CSMD1: variants seen among roughly 807,000 people sequenced by gnomAD.
CSMD1 encodes CUB and Sushi multiple domains 1.
CSMD1 carries 213 observed loss-of-function variants against 417.5 expected under a neutral mutation model. The observed-to-expected ratio is 0.51, with a 90% CI of 0.46 to 0.57. The LOEUF (loss-of-function observed/expected upper bound fraction) is 0.57, where lower values mean the gene tolerates loss of function less well. CSMD1 is among the 20% of genes least tolerant of loss of function. The pLI is 0.00. For synonymous variants in CSMD1, 2,862 were observed against 1,736.8 expected (o/e 1.65, Z -16.11); for missense variants, 6,923 against 4,529.7 (o/e 1.53, Z -15.17).
intron 1 of CSMD1, among the ~76,000 whole-genome samples, chr8:4,965,813 T>C (rs1809819903): frequency 6.6e-6 from 1 of 152,166 alleles, no homozygotes; most frequent in African/African-American, 2.4e-5. Context: ...CAGAGACATC[T>C]GGAACAAAAT....
intron 6 of CSMD1, among the ~76,000 whole-genome samples, chr8:3,721,764 G>C (rs1563309857): frequency 1.3e-5 from 2 of 152,128 alleles, no homozygotes; most frequent in South Asian, 2.1e-4. Context: ...CTTTACATGA[G>C]GATAATAGAA....
chr8:4,132,460 A>T lies in CSMD1; in HGVS notation c.416-100361T>A, dbSNP rs1356085394. Reference sequence around the variant, plus strand: ...ATTTAAAGGAACAAAATTCCATTTAACTTTTACTTTAACAGGAACATGGGT... The same window carrying T: ...ATTTAAAGGAACAAAATTCCATTTATCTTTTACTTTAACAGGAACATGGGT... On this transcript the variant is annotated intron_variant, in intron 3 of 69. Transcript: ENST00000635120. Among the ~76,000 whole-genome samples the T allele has an allele frequency of 1.3e-5, 2 of 152,146 alleles. 1 individual carries two copies. Among genetic ancestry groups the T allele is most frequent in the African/African-American group, 4.8e-5 (2 of 41,420 alleles).
chr8:4,898,955 A>T (rs754806538), intron 1 of CSMD1, among the ~76,000 whole-genome samples: 1 of 152,206 alleles, frequency 6.6e-6, no homozygotes, highest in Non-Finnish European at 1.5e-5. Flanking sequence ...TTACAGTTAT[A>T]AAATTATTTT....
intron 3 of CSMD1, among the ~76,000 whole-genome samples, chr8:4,110,112 G>A (rs1179682486): frequency 1.3e-5 from 2 of 152,154 alleles, no homozygotes; most frequent in South Asian, 2.1e-4. Flanking sequence ...AAATAACGGT[G>A]GAGTTGGAAA....
At chr8:4,814,753 T>G (rs1394506695) in intron 1 of CSMD1, among the ~76,000 whole-genome samples, 1 of 152,150 alleles carries the variant, frequency 6.6e-6, no homozygotes, top group Non-Finnish European at 1.5e-5. Context: ...AACATTGAGA[T>G]CATTGATAAG....
intron 3 of CSMD1, among the ~76,000 whole-genome samples, chr8:4,038,830 A>G (rs1223637253): frequency 6.6e-6 from 1 of 152,196 alleles, no homozygotes; most frequent in Non-Finnish European, 1.5e-5. Context: ...ACTGGACCCC[A>G]TGAAGCCAAA....
chr8:4,861,544 G>A (rs1802132097), intron 1 of CSMD1, among the ~76,000 whole-genome samples: 1 of 152,106 alleles, frequency 6.6e-6, no homozygotes, highest in Non-Finnish European at 1.5e-5. Context: ...GACATAGGTG[G>A]ATGTTACGAA....
At chr8:3,035,259 A>C (rs914893071) in intron 50 of CSMD1, among the ~76,000 whole-genome samples, 6 of 152,208 alleles carry the variant, frequency 3.9e-5, no homozygotes, top group African/African-American at 1.4e-4. Flanking sequence ...AGAGACGCGC[A>C]TCTGTTTAAA....
At chr8:3,901,497 T>G (rs1807748920) in intron 5 of CSMD1, among the ~76,000 whole-genome samples, 1 of 152,214 alleles carries the variant, frequency 6.6e-6, no homozygotes, top group Non-Finnish European at 1.5e-5. Context: ...CATTGTCAGT[T>G]CTGAACCAAG....
chr8:3,768,068 A>G (rs758207466), intron 5 of CSMD1, among the ~76,000 whole-genome samples: 6 of 152,184 alleles, frequency 3.9e-5, no homozygotes, highest in Non-Finnish European at 8.8e-5. Context: ...ATAGACAGCT[A>G]CGGTCCATAT....
chr8:4,366,033 G>T (rs1445802310), intron 3 of CSMD1, among the ~76,000 whole-genome samples: 1 of 152,116 alleles, frequency 6.6e-6, no homozygotes. Flanking sequence ...CGCCCAGGTA[G>T]TGAGCACAGT....
chr8:4,735,285 C>G (rs1026108906), intron 1 of CSMD1, among the ~76,000 whole-genome samples: 4 of 152,180 alleles, frequency 2.6e-5, no homozygotes, highest in Admixed American at 6.5e-5. Flanking sequence ...TTAGATTTCA[C>G]TAGCTTTTTA....
intron 7 of CSMD1, among the ~76,000 whole-genome samples, chr8:3,649,004 T>G (rs1320037775): frequency 6.6e-6 from 1 of 152,168 alleles, no homozygotes; most frequent in Non-Finnish European, 1.5e-5. Context: ...GTCCAGCTTT[T>G]AAGGTATGTA....
At chr8:3,903,695 T>A (rs1807918159) in intron 5 of CSMD1, among the ~76,000 whole-genome samples, 1 of 152,140 alleles carries the variant, frequency 6.6e-6, no homozygotes, top group Non-Finnish European at 1.5e-5. Flanking sequence ...TGATTACACA[T>A]CAGATACAGC....
chr8:4,322,976 C>G (rs1799352021), intron 3 of CSMD1, among the ~76,000 whole-genome samples: 1 of 152,192 alleles, frequency 6.6e-6, no homozygotes, highest in South Asian at 2.1e-4. Flanking sequence ...CAGAGCGAGA[C>G]TCCGTCTCAA....
intron 1 of CSMD1, among the ~76,000 whole-genome samples, chr8:4,921,198 G>A (rs1208396108): frequency 6.6e-6 from 1 of 152,108 alleles, no homozygotes; most frequent in African/African-American, 2.4e-5. Context: ...AATTTCAAGT[G>A]ACTTGTTAGC....
At chr8:3,717,419 T>A (rs1382826765) in intron 6 of CSMD1, among the ~76,000 whole-genome samples, 1 of 131,620 alleles carries the variant, frequency 7.6e-6, no homozygotes, top group Non-Finnish European at 1.7e-5. Context: ...TTCTTTTCCA[T>A]GAAATGCTTT....
chr8:4,005,294 A>G (rs1046951345), intron 4 of CSMD1, among the ~76,000 whole-genome samples: 1 of 152,170 alleles, frequency 6.6e-6, no homozygotes, highest in Non-Finnish European at 1.5e-5. Context: ...AAAATAAAAT[A>G]AAATAATAAA....
At chr8:3,952,747 T>C (rs1277803259) in intron 5 of CSMD1, among the ~76,000 whole-genome samples, 1 of 152,224 alleles carries the variant, frequency 6.6e-6, no homozygotes, top group Admixed American at 6.5e-5. Flanking sequence ...GCTTATTGTA[T>C]GTTATGTTTA....
Sources: allele counts gnomAD v4.1 joint callset (sites outside exome capture counted in the v4.1 genomes callset), GRCh38; gene constraint gnomAD v4.1.1; transcripts MANE v1.5; gene names NCBI Gene and HGNC (gene_info 2026-07-23, HGNC 2026-07-21).